The following B3GALT1 variants were observed in gnomAD, a reference collection of about 807,000 sequenced individuals.
The protein encoded by B3GALT1 is beta-1,3-galactosyltransferase 1, also known as UDP-Gal:betaGlcNAc beta 1,3-galactosyltransferase, polypeptide 1.
In B3GALT1, 10 loss-of-function variants were observed where a neutral mutation model predicts 23.2. That is an observed-to-expected ratio of 0.43 (90% CI 0.27 to 0.73). The LOEUF is 0.73. Ranked by LOEUF, B3GALT1 falls within the 30% of genes least tolerant of loss-of-function variation. The probability of loss-of-function intolerance (pLI) is 0.21; values close to 1 mark genes in which losing one functional copy is unlikely to be tolerated. For missense variants in B3GALT1, 299 were observed against 405.4 expected (o/e 0.74, Z 2.25); for synonymous variants, 156 against 141.5 (o/e 1.10, Z -0.73).
At chr2:167,669,267 T>C (rs1686277038) in intron 3 of B3GALT1, among the ~76,000 whole-genome samples, 1 of 152,212 alleles carries the variant, frequency 6.6e-6, no homozygotes, top group Non-Finnish European at 1.5e-5. Context: ...CAGGGTAGGC[T>C]AGTGGCATCA....
intron 2 of B3GALT1, among the ~76,000 whole-genome samples, chr2:167,575,159 T>C (rs1684359075): frequency 6.6e-6 from 1 of 151,788 alleles, no homozygotes; most frequent in Admixed American, 6.6e-5. Context: ...AAATAAGTAA[T>C]ACATGTAAAT....
intron 1 of B3GALT1, among the ~76,000 whole-genome samples, chr2:167,394,278 G>A (rs961065766): frequency 1.2e-4 from 19 of 152,036 alleles, no homozygotes; most frequent in Admixed American, 3.9e-4. Flanking sequence ...AACACTCTTC[G>A]TTTTCTATAT....
At chr2:167,507,897 G>A (rs1200952383) in intron 2 of B3GALT1, among the ~76,000 whole-genome samples, 13 of 152,256 alleles carry the variant, frequency 8.5e-5, no homozygotes, top group African/African-American at 2.4e-4. Flanking sequence ...TAGACTAGGT[G>A]GCTTATCAAC....
intron 1 of B3GALT1, among the ~76,000 whole-genome samples, chr2:167,394,950 T>G (rs1023511737): frequency 1.3e-5 from 2 of 152,210 alleles, no homozygotes; most frequent in African/African-American, 4.8e-5. Flanking sequence ...ATTTATTTTC[T>G]AATTTCACAA....
At chr2:167,299,656 T>G (rs1482475522) in intron 1 of B3GALT1, among the ~76,000 whole-genome samples, 2 of 152,084 alleles carry the variant, frequency 1.3e-5, no homozygotes, top group Non-Finnish European at 2.9e-5. Context: ...ATTATTTTAG[T>G]TATTATTTTG....
rs1690193638 is a variant in B3GALT1 at position 167,865,509 on chromosome 2, G to T, written c.-229-3302G>T. Among the ~76,000 whole-genome samples, 9 of 151,740 alleles carry T rather than the reference G, an allele frequency of 5.9e-5. 1 individual carries two copies. In the South Asian group the frequency reaches 1.9e-3, roughly 32 times the overall value. ...GAGTGAACTGCTATTGAAATAAATG[G>T]GGCCGGGCACAGTGGCTCACGCCTG... On this transcript the variant is annotated intron_variant, in intron 4 of 4. Coordinates refer to ENST00000392690, the MANE Select transcript of B3GALT1 (RefSeq NM_020981.4).
At chr2:167,416,066 G>A (rs1698464635) in intron 1 of B3GALT1, among the ~76,000 whole-genome samples, 1 of 152,190 alleles carries the variant, frequency 6.6e-6, no homozygotes, top group Non-Finnish European at 1.5e-5. Flanking sequence ...TTGTTCAAGA[G>A]AGGAAACCAA....
At chr2:167,619,801 C>T (rs546042055) in intron 2 of B3GALT1, among the ~76,000 whole-genome samples, 1 of 152,120 alleles carries the variant, frequency 6.6e-6, no homozygotes, top group African/African-American at 2.4e-5. Context: ...AAGCACTATT[C>T]ATTCATTTAG....
chr2:167,381,218 C>T (rs1022213049), intron 1 of B3GALT1, among the ~76,000 whole-genome samples: 2 of 152,078 alleles, frequency 1.3e-5, no homozygotes, highest in Admixed American at 6.5e-5. Flanking sequence ...CAGGTGTGCA[C>T]CACCATGCCT....
intron 1 of B3GALT1, among the ~76,000 whole-genome samples, chr2:167,483,325 C>A (rs1699585596): frequency 6.6e-6 from 1 of 152,052 alleles, no homozygotes; most frequent in South Asian, 2.1e-4. Context: ...ACAAAAACTT[C>A]TTGAGGCCAA....
intron 2 of B3GALT1, among the ~76,000 whole-genome samples, chr2:167,513,462 C>T (rs1700058583): frequency 6.6e-6 from 1 of 151,984 alleles, no homozygotes. Context: ...ATTTTTGAGA[C>T]AATATGGAAA....
At chr2:167,629,268 C>T (rs1685398703) in intron 2 of B3GALT1, among the ~76,000 whole-genome samples, 1 of 151,672 alleles carries the variant, frequency 6.6e-6, no homozygotes, top group Non-Finnish European at 1.5e-5. Context: ...GTAAAAGTCC[C>T]ATTGGCAAGG....
intron 3 of B3GALT1, among the ~76,000 whole-genome samples, chr2:167,701,618 A>G (rs926215201): frequency 6.6e-6 from 1 of 152,140 alleles, no homozygotes; most frequent in African/African-American, 2.4e-5. Context: ...TTTAAGATCT[A>G]TGACTTCTTT....
At chr2:167,747,717 C>G (rs928172166) in intron 3 of B3GALT1, among the ~76,000 whole-genome samples, 4 of 152,196 alleles carry the variant, frequency 2.6e-5, no homozygotes, top group African/African-American at 7.2e-5. Flanking sequence ...GGAATTTCAT[C>G]TGGGATCACT....
chr2:167,611,383 A>G (rs1259859603), intron 2 of B3GALT1, among the ~76,000 whole-genome samples: 2 of 151,890 alleles, frequency 1.3e-5, no homozygotes, highest in African/African-American at 4.8e-5. Context: ...CCCTTTCTGG[A>G]GGTTACCTGG....
chr2:167,423,569 G>A (rs527690105), intron 1 of B3GALT1, among the ~76,000 whole-genome samples: 5 of 152,214 alleles, frequency 3.3e-5, no homozygotes, highest in Middle Eastern at 3.4e-3. Context: ...TGTCAGGGAC[G>A]AGCAGATGAT....
At chr2:167,485,582 T>C (rs541352204) in intron 1 of B3GALT1, among the ~76,000 whole-genome samples, 2 of 152,330 alleles carry the variant, frequency 1.3e-5, no homozygotes, top group East Asian at 3.9e-4. Flanking sequence ...TGTATGTGTT[T>C]ATGTCTCCTT....
chr2:167,549,630 C>T (rs560028611), intron 2 of B3GALT1, among the ~76,000 whole-genome samples: 1 of 152,246 alleles, frequency 6.6e-6, no homozygotes, highest in South Asian at 2.1e-4. Flanking sequence ...GGTGTGGAGA[C>T]ATCACTGGGT....
At chr2:167,411,442 C>A (rs1269004370) in intron 1 of B3GALT1, among the ~76,000 whole-genome samples, 1 of 146,422 alleles carries the variant, frequency 6.8e-6, no homozygotes, top group Non-Finnish European at 1.5e-5. Flanking sequence ...AAGATCTGAA[C>A]AGGCATTTCT....
Sources: allele counts gnomAD v4.1 joint callset (sites outside exome capture counted in the v4.1 genomes callset), GRCh38; gene constraint gnomAD v4.1.1; transcripts MANE v1.5; gene names NCBI Gene and HGNC (gene_info 2026-07-23, HGNC 2026-07-21).